Variants in DCC observed in about 807,000 individuals in gnomAD.
DCC encodes netrin receptor DCC.
Under a neutral mutation model 172.5 loss-of-function variants are expected in DCC, and 58 were observed. That is an observed-to-expected ratio of 0.34 (90% confidence interval 0.27 to 0.42). The LOEUF (loss-of-function observed/expected upper bound fraction) is 0.42, where lower values mean the gene tolerates loss of function less well. Ranked by LOEUF, DCC falls within the 10% of genes least tolerant of loss-of-function variation. The probability of loss-of-function intolerance (pLI) is 1.00; values close to 1 mark genes in which losing one functional copy is unlikely to be tolerated. For synonymous variants in DCC, 709 were observed against 644.5 expected (o/e 1.10, Z -1.52); for missense variants, 1,740 against 1,791.0 (o/e 0.97, Z 0.51).
intron 12 of DCC, among the ~76,000 whole-genome samples, chr18:53,264,668 T>A (rs2056651403): frequency 6.6e-6 from 1 of 151,938 alleles, no homozygotes; most frequent in Non-Finnish European, 1.5e-5. Flanking sequence ...GTCTTTCAGG[T>A]TCAGTGGAAG....
At chr18:53,221,731 A>G (rs1479612084) in intron 12 of DCC, among the ~76,000 whole-genome samples, 1 of 152,182 alleles carries the variant, frequency 6.6e-6, no homozygotes, top group Non-Finnish European at 1.5e-5. Context: ...TTGAGAAATA[A>G]AACAGTTTTC....
At chr18:52,917,412 C>CA (rs1343643275) in intron 3 of DCC, among the ~76,000 whole-genome samples, 1 of 152,124 alleles carries the variant, frequency 6.6e-6, no homozygotes, top group African/African-American at 2.4e-5. Flanking sequence ...CCTGTATAAT[C>CA]AAAAGCTAAA....
At chr18:53,066,688 A>T (rs1428869764) in intron 7 of DCC, among the ~76,000 whole-genome samples, 1 of 151,826 alleles carries the variant, frequency 6.6e-6, no homozygotes, top group African/African-American at 2.4e-5. Flanking sequence ...ATATTTTCTT[A>T]TATGTAATCT....
intron 5 of DCC, among the ~76,000 whole-genome samples, chr18:53,042,811 A>G (rs1278602708): frequency 6.6e-6 from 1 of 151,944 alleles, no homozygotes; most frequent in African/African-American, 2.4e-5. Context: ...AGGAAACAAC[A>G]TATGCTGGAG....
intron 12 of DCC, among the ~76,000 whole-genome samples, chr18:53,258,068 C>G (rs1474209284): frequency 6.6e-6 from 1 of 152,016 alleles, no homozygotes; most frequent in East Asian, 1.9e-4. Flanking sequence ...TCCCTTTTAT[C>G]ATTTTTTCTT....
intron 5 of DCC, among the ~76,000 whole-genome samples, chr18:53,035,243 G>A (rs66493109): frequency 0.29 from 43,428 of 151,596 alleles, 6,927 homozygotes; most frequent in African/African-American, 0.43. Flanking sequence ...CAATAAAGTA[G>A]CCTATGGCCA....
Position 52,450,783 on chromosome 18 carries a change from A to G in DCC, c.91+109905A>G, listed in dbSNP as rs138661327. On this transcript the variant is annotated intron_variant, in intron 1 of 28. Transcript: ENST00000442544. ...ATGAATGAACCATGTAAAATACTTC[A>G]CTATTGGAGAAAATGGCTACCACTA... Among the ~76,000 whole-genome samples the G allele has an allele frequency of 1.7e-3, 263 of 152,286 alleles. 2 individuals carry two copies. The highest frequency in any genetic ancestry group is 5.8e-3 in the African/African-American group (241 of 41,556).
intron 1 of DCC, among the ~76,000 whole-genome samples, chr18:52,373,887 CATTTTTTT>C (rs1218656177): frequency 2.1e-5 from 3 of 141,154 alleles, no homozygotes; most frequent in Non-Finnish European, 4.6e-5. Context: ...TTGGTTGCAT[CATTTTTTT>C]TTTTTTTTTT....
intron 1 of DCC, among the ~76,000 whole-genome samples, chr18:52,444,196 T>C (rs1988053996): frequency 6.6e-6 from 1 of 152,198 alleles, no homozygotes; most frequent in African/African-American, 2.4e-5. Context: ...CCTTGGTGTA[T>C]GCAGTTCCTG....
intron 1 of DCC, among the ~76,000 whole-genome samples, chr18:52,534,186 C>G (rs1040563137): frequency 6.6e-6 from 1 of 151,880 alleles, no homozygotes; most frequent in Non-Finnish European, 1.5e-5. Flanking sequence ...TGTCTAACAT[C>G]TATTATTAAA....
chr18:53,214,938 C>T (rs2055824174), intron 11 of DCC, among the ~76,000 whole-genome samples: 1 of 152,080 alleles, frequency 6.6e-6, no homozygotes, highest in Admixed American at 6.6e-5. Flanking sequence ...TACCTAGAAA[C>T]TCTACAAAGA....
In DCC at chr18:52,719,433, G is replaced by T. The variant is rs557138513; in HGVS notation, c.92-32621G>T. ...CGTTGAGTCCACTCTCAGGAAGGGT[G>T]AGGGCTCCGACGGGGAGGTTATCCA... On this transcript the variant is annotated intron_variant, in intron 1 of 28. Coordinates refer to ENST00000442544, the MANE Select transcript of DCC (RefSeq NM_005215.4). 9.9e-4 allele frequency among the ~76,000 whole-genome samples: 150 copies of T among 152,248 alleles called. No homozygotes were observed. In the Middle Eastern group the frequency reaches 0.01, roughly 10 times the overall value.
chr18:53,526,501 A>G (rs1213733637), intron 27 of DCC, 116 bp from the exon 28 acceptor site: 1 of 1,092,010 alleles, frequency 9.2e-7, no homozygotes, highest in Non-Finnish European at 1.4e-6. Context: ...TTTACACTAC[A>G]GAATGAGCAA....
At chr18:52,781,956 T>C (rs1320973280) in intron 2 of DCC, among the ~76,000 whole-genome samples, 1 of 152,170 alleles carries the variant, frequency 6.6e-6, no homozygotes, top group African/African-American at 2.4e-5. Context: ...TCTTCATTAC[T>C]GATTGAATAT....
intron 1 of DCC, among the ~76,000 whole-genome samples, chr18:52,372,859 A>C (rs937012744): frequency 1.1e-4 from 17 of 152,202 alleles, no homozygotes; most frequent in Non-Finnish European, 2.9e-5. Flanking sequence ...TGAAATAACA[A>C]AAACCCGAGA....
At chr18:53,019,031 T>C (rs1434259814) in intron 5 of DCC, among the ~76,000 whole-genome samples, 1 of 152,166 alleles carries the variant, frequency 6.6e-6, no homozygotes, top group East Asian at 1.9e-4. Flanking sequence ...TGCCTGAATT[T>C]TGTAGGAGAA....
At chr18:52,806,161 T>C (rs1392710301) in intron 2 of DCC, among the ~76,000 whole-genome samples, 2 of 152,222 alleles carry the variant, frequency 1.3e-5, no homozygotes, top group Non-Finnish European at 2.9e-5. Context: ...TATTTGCAGT[T>C]AATAGATATT....
chr18:53,090,150 A>C (rs765086945), intron 7 of DCC, among the ~76,000 whole-genome samples: 1 of 152,200 alleles, frequency 6.6e-6, no homozygotes, highest in East Asian at 1.9e-4. Flanking sequence ...ACTTACTTGC[A>C]TTGTCGCTTG....
intron 1 of DCC, among the ~76,000 whole-genome samples, chr18:52,412,075 C>T (rs1341940698): frequency 6.6e-6 from 1 of 152,066 alleles, no homozygotes; most frequent in Admixed American, 6.6e-5. Flanking sequence ...AACTCTTTTA[C>T]CATTAATATA....
Sources: allele counts gnomAD v4.1 joint callset (sites outside exome capture counted in the v4.1 genomes callset), GRCh38; gene constraint gnomAD v4.1.1; transcripts MANE v1.5; gene names NCBI Gene and HGNC (gene_info 2026-07-23, HGNC 2026-07-21).